SMARCAD1: variants seen among roughly 807,000 people sequenced by gnomAD.
SMARCAD1 encodes SNF2 related chromatin remodeling ATPase with DExD box 1.
Under a neutral mutation model 127.1 loss-of-function variants are expected in SMARCAD1, and 25 were observed. The observed-to-expected ratio is 0.20, with a 90% CI of 0.14 to 0.27. The LOEUF is 0.27. SMARCAD1 is among the 10% of genes least tolerant of loss of function. The pLI is 1.00. For synonymous variants in SMARCAD1, 400 were observed against 396.9 expected (o/e 1.01, Z -0.09); for missense variants, 807 against 1,206.0 (o/e 0.67, Z 4.90).
At chr4:94,264,226 A>G (rs1579268742) in intron 9 of SMARCAD1, among the ~76,000 whole-genome samples, 1 of 152,064 alleles carries the variant, frequency 6.6e-6, no homozygotes, top group African/African-American at 2.4e-5. Context: ...ATGTGGAAAA[A>G]TATCTTTTAA....
At chr4:94,254,286 GTTC>G (rs1749726547) in intron 9 of SMARCAD1, among the ~76,000 whole-genome samples, 1 of 152,048 alleles carries the variant, frequency 6.6e-6, no homozygotes, top group South Asian at 2.1e-4. Flanking sequence ...GGGCTTTCTT[GTTC>G]TTCTTTTCTT....
intron 3 of SMARCAD1, among the ~76,000 whole-genome samples, chr4:94,229,567 A>G (rs1745512342): frequency 6.6e-6 from 1 of 152,072 alleles, no homozygotes; most frequent in African/African-American, 2.4e-5. Context: ...CCAGACTTCT[A>G]CTTCTCCTAC....
chr4:94,250,683 G>C, intron 7 of SMARCAD1, 69 bp from the exon 8 acceptor site: 4 of 1,003,084 alleles, frequency 4.0e-6, no homozygotes, highest in Non-Finnish European at 5.9e-6. Context: ...ATTTTTAAAA[G>C]AGCATAGACG....
At chr4:94,250,662 G>A (rs1157710668) in intron 7 of SMARCAD1, 90 bp from the exon 8 acceptor site, 2 of 774,844 alleles carry the variant, frequency 2.6e-6, no homozygotes, top group Non-Finnish European at 4.2e-6. Flanking sequence ...CTGTTTTCAG[G>A]TGATTAACTT....
Position 94,208,549 on chromosome 4 carries a change from C to T in SMARCAD1, c.155C>T (p.Ala52Val). 1.2e-6 allele frequency: 2 copies of T among 1,614,064 alleles called. No individual in the cohort carries two copies. The highest frequency in any genetic ancestry group is 1.7e-6 in the Non-Finnish European group (2 of 1,179,996). Residue 52 changes from alanine (A) to valine (V), a missense_variant, in exon 2 of 24, where the codon GCA becomes GTA. Transcript: ENST00000354268. ...AATGCTGAAGGGGAAGTTAGCAGGG[C>T]AAACACTCCTGATTCAGATATAACT... ...EENAEGEVSR[A>V]NTPDSDITEK... is the part of the protein sequence containing the mutation.
At position 94,272,050 on chromosome 4, in the gene SMARCAD1, G is replaced by A. The variant is rs544570958; in HGVS notation, c.1572+1232G>A. ...GTGGACAGTCCAAGATGAGTGTATC[G>A]GTAGCTTGCGTTTCTCCTGAGTCCT... On this transcript the variant is annotated intron_variant, in intron 11 of 23. Transcript: ENST00000354268. Among the ~76,000 whole-genome samples, 28 of 152,164 alleles carry A rather than the reference G, an allele frequency of 1.8e-4. No homozygotes were observed. The South Asian group carries it at 3.3e-3, about 18-fold the overall frequency.
chr4:94,261,849 G>A (rs1565062), intron 9 of SMARCAD1, among the ~76,000 whole-genome samples: 93,381 of 152,024 alleles, frequency 0.61, 28,796 homozygotes, highest in East Asian at 0.72. Flanking sequence ...GGCTCAAACA[G>A]TGCTCTTGCC....
intron 2 of SMARCAD1, chr4:94,213,034 G>A (rs1295037929): frequency 1.6e-6 from 2 of 1,263,004 alleles, no homozygotes; most frequent in Non-Finnish European, 2.1e-6. Context: ...TGGGAGTACA[G>A]TGAGTTTGGA....
chr4:94,274,623 T>C, intron 12 of SMARCAD1, 115 bp from the exon 13 acceptor site: 1 of 1,035,462 alleles, frequency 9.7e-7, no homozygotes, highest in Non-Finnish European at 1.5e-6. Context: ...GGCCAGTATT[T>C]ACTTTTTATA....
chr4:94,278,879 A>G lies in SMARCAD1; in HGVS notation c.2297-50A>G, dbSNP rs774395233. The G allele has an allele frequency of 3.1e-6, 5 of 1,610,470 alleles. No homozygotes were observed. The Admixed American group carries it at 6.7e-5, about 22-fold the overall frequency. On this transcript the variant is annotated intron_variant, in intron 18 of 23. Coordinates refer to ENST00000354268, the MANE Select transcript of SMARCAD1 (RefSeq NM_020159.5). ...TTTAAAACTTAGTTGATATATTTCA[A>G]CAGTTATCCGCTTGGTTTTATTTTT... is the stretch of plus-strand genomic sequence containing the variant.
At position 94,285,250 on chromosome 4, in the gene SMARCAD1, C is replaced by G. The variant is rs75486436; in HGVS notation, c.3019+181C>G. On this transcript the variant is annotated intron_variant, in intron 23 of 23. Transcript: ENST00000354268. ...TACTAAAATAATTTTTTTGAAGTTT[C>G]TTAAGTTCAAAATTTTTATTTTTGT... Among the ~76,000 whole-genome samples the G allele has an allele frequency of 4.8e-3, 728 of 152,078 alleles. 2 individuals carry two copies. The highest frequency in any genetic ancestry group is 8.1e-3 in the Admixed American group (123 of 15,268).
chr4:94,226,203 T>C lies in SMARCAD1; in HGVS notation c.275T>C (p.Ile92Thr). The change falls in exon 3 of 24, where the codon ATT becomes ACT. Residue 92 changes from isoleucine to threonine, a missense_variant. By Grantham distance (89) the Ile-to-Thr change is moderately conservative (BLOSUM62 -1). Around this residue, in one of 8 missense-constraint regions of SMARCAD1, gnomAD observed 175 missense variants for 169.5 expected, o/e 1.03. Coordinates refer to ENST00000354268, the MANE Select transcript of SMARCAD1 (RefSeq NM_020159.5). ...YFKNQRGIQY[I>T]DLSSDSEDVV... ...AAAAATCAAAGAGGAATACAGTATA[T>C]TGATTTGTCTTCTGATAGTGAAGAT... 1 of 1,612,508 alleles carries C rather than the reference T, an allele frequency of 6.2e-7. No individual in the cohort carries two copies. The highest frequency in any genetic ancestry group is 8.5e-7 in the Non-Finnish European group (1 of 1,178,678).
At chr4:94,285,263 T>C (rs957690723) in intron 23 of SMARCAD1, among the ~76,000 whole-genome samples, 194 bp downstream of exon 23, 4 of 152,192 alleles carry the variant, frequency 2.6e-5, no homozygotes, top group Admixed American at 6.5e-5. Flanking sequence ...AAGTTCAAAA[T>C]TTTTATTTTT....
chr4:94,237,217 T>C (rs1032138645), intron 5 of SMARCAD1, among the ~76,000 whole-genome samples, 199 bp downstream of exon 5: 3 of 152,142 alleles, frequency 2.0e-5, no homozygotes, highest in African/African-American at 4.8e-5. Context: ...TTTCTACCAA[T>C]CAAATCTTGT....
intron 2 of SMARCAD1, among the ~76,000 whole-genome samples, chr4:94,223,683 C>T (rs1197588333): frequency 6.6e-6 from 1 of 150,628 alleles, no homozygotes; most frequent in Non-Finnish European, 1.5e-5. Flanking sequence ...AGTCTCCTGC[C>T]TCACCTCCCC....
In SMARCAD1 at chr4:94,291,081, T is replaced by C. The variant is rs1016723158; in HGVS notation, c.*1547T>C. 4 of 448,042 alleles carry C rather than the reference T, an allele frequency of 8.9e-6. No individual in the cohort carries two copies. Among genetic ancestry groups the C allele is most frequent in the Admixed American group, 2.4e-5 (1 of 41,428 alleles). 27.8% of individuals were successfully genotyped at this position (448,042 alleles called of 1,614,324 possible). A position where few individuals can be genotyped will look rare whatever the true frequency, so the allele number is the denominator to read the frequency against. ...TACATCACTATACCCAAATCAGTTA[T>C]TCAAATTGTTAGGAATTTTACCTTT... On this transcript the variant is annotated 3_prime_UTR_variant, in exon 24 of 24. Coordinates refer to ENST00000354268, the MANE Select transcript of SMARCAD1 (RefSeq NM_020159.5).
chr4:94,208,785 A>G (rs1485561370), intron 2 of SMARCAD1, among the ~76,000 whole-genome samples: 1 of 152,156 alleles, frequency 6.6e-6, no homozygotes, highest in Admixed American at 6.5e-5. Context: ...CCTCACTTTT[A>G]TATGAGTTCT....
chr4:94,284,343 AAAAAAAAAAAG>A (rs1383217401), intron 22 of SMARCAD1, among the ~76,000 whole-genome samples: 4 of 104,784 alleles, frequency 3.8e-5, no homozygotes, highest in Non-Finnish European at 6.6e-5. Context: ...AAAAAAAAAA[AAAAAAAAAAAG>A]AAAAAAGTAA....
intron 2 of SMARCAD1, chr4:94,213,206 C>A: frequency 1.4e-6 from 1 of 731,650 alleles, no homozygotes; most frequent in Non-Finnish European, 2.0e-6. Flanking sequence ...TATAATAGGG[C>A]AAAATACTAA....
Sources: gnomAD v4.1 joint callset for allele counts (sites outside exome capture counted in the v4.1 genomes callset) on GRCh38, gnomAD v4.1.1 for gene constraint, gnomAD v4.1.1 regional missense constraint, MANE v1.5 for transcripts, NCBI Gene and HGNC (gene_info 2026-07-23, HGNC 2026-07-21) for gene names.